Variants in ENTPD1 observed in about 807,000 individuals in gnomAD.
ENTPD1 encodes the protein ectonucleoside triphosphate diphosphohydrolase 1, also known as ATP diphosphohydrolase.
ENTPD1 carries 33 observed loss-of-function variants against 57.0 expected under a neutral mutation model. The observed-to-expected ratio is 0.58, with a 90% CI of 0.44 to 0.77. The LOEUF is 0.77. Among genes scored for constraint, ENTPD1 ranks in the 30% least tolerant of loss-of-function variants. ENTPD1 has a pLI of 0.00. For missense variants in ENTPD1, 501 were observed against 603.4 expected, an observed-to-expected ratio of 0.83 and a Z score of 1.78; for synonymous variants, 202 against 218.8, an observed-to-expected ratio of 0.92 and a Z score of 0.68.
chr10:95,773,855 G>A (rs908918314), intron 1 of ENTPD1, among the ~76,000 whole-genome samples: 3 of 152,196 alleles, frequency 2.0e-5, no homozygotes, highest in African/African-American at 7.2e-5. Context: ...ACCCAGTAAT[G>A]GGATTGCTGG....
At position 95,866,656 on chromosome 10, in the gene ENTPD1, G is replaced by C; in HGVS notation, c.*273G>C. The C allele has an allele frequency of 7.8e-7, 1 of 1,289,924 alleles. No individual in the cohort carries two copies. The highest frequency in any genetic ancestry group is 9.9e-7 in the Non-Finnish European group (1 of 1,009,366). The allele number at this position is 1,289,924 out of a possible 1,614,324, so 79.9% of individuals were successfully genotyped here. On this transcript the variant is annotated 3_prime_UTR_variant, in exon 10 of 10. Transcript: ENST00000371205. ...GTGCTTGTATAGGTTTTAAAGACCTGACACCTTTCATAATCTTTGCTTTAT... is the reference window on the plus strand; with the variant it reads ...GTGCTTGTATAGGTTTTAAAGACCTCACACCTTTCATAATCTTTGCTTTAT...
intron 1 of ENTPD1, among the ~76,000 whole-genome samples, chr10:95,782,866 A>AATGGGATGGAGGC (rs1181673388): frequency 2.0e-5 from 3 of 152,122 alleles, no homozygotes; most frequent in African/African-American, 7.2e-5. Flanking sequence ...TCTTGGGGAT[A>AATGGGATGGAGGC]ATGGGATGGA....
At chr10:95,766,827 A>G (rs1211707359) in intron 1 of ENTPD1, among the ~76,000 whole-genome samples, 1 of 147,908 alleles carries the variant, frequency 6.8e-6, no homozygotes, top group Non-Finnish European at 1.5e-5. Flanking sequence ...TTGTTTTTAT[A>G]TTTCCACAAA....
At position 95,844,599 on chromosome 10, in the gene ENTPD1, G is replaced by A; in HGVS notation, c.537G>A (p.Trp179Ter). ...GCCAAGAGGAAGGTGCCTATGGCTGGATTACTATCAACTATCTGCTGGGCA... is the reference window on the plus strand; with the variant it reads ...GCCAAGAGGAAGGTGCCTATGGCTGAATTACTATCAACTATCTGCTGGGCA... The part of the protein sequence containing the change: ...ITGQEEGAYG[W>*]ITINYLLGKF... The change falls in exon 5 of 10, where the codon TGG (tryptophan) becomes TGA (stop). Residue 179 changes from tryptophan to a stop codon, truncating the protein, a stop_gained. Coordinates refer to ENST00000371205, the MANE Select transcript of ENTPD1 (RefSeq NM_001776.6). LOFTEE classifies it high-confidence loss of function. The A allele has an allele frequency of 1.1e-5, 17 of 1,614,180 alleles. No homozygotes were observed. The highest frequency in any genetic ancestry group is 1.4e-5 in the Non-Finnish European group (17 of 1,180,034).
Position 95,788,982 on chromosome 10 carries a change from A to G in ENTPD1, c.16+32727A>G, listed in dbSNP as rs141231560. Among the ~76,000 whole-genome samples, 13 of 152,308 alleles carry G rather than the reference A, an allele frequency of 8.5e-5. No homozygotes were observed. The East Asian group carries it at 2.5e-3, about 29-fold the overall frequency. On this transcript the variant is annotated intron_variant, in intron 1 of 9. Transcript: ENST00000371205. ...ACTAAATATCTGTTGGCGATGAGGCATGGAGGAAAAAATGCTAAAGATAAC... is the reference window on the plus strand; with the variant it reads ...ACTAAATATCTGTTGGCGATGAGGCGTGGAGGAAAAAATGCTAAAGATAAC...
At chr10:95,843,172 T>G (rs892318267) in intron 4 of ENTPD1, 1 of 152,216 alleles carries the variant, frequency 6.6e-6, no homozygotes, top group Non-Finnish European at 1.5e-5. Flanking sequence ...ACAGACAGCA[T>G]GCATTCAGTA....
At chr10:95,724,161 C>CAAA (rs35316347) in intron 1 of ENTPD1, among the ~76,000 whole-genome samples, 62 of 50,290 alleles carry the variant, frequency 1.2e-3, no homozygotes, top group South Asian at 2.2e-3. Context: ...GACTCTGTCT[C>CAAA]AAAAAAAAAA....
intron 1 of ENTPD1, among the ~76,000 whole-genome samples, chr10:95,730,222 T>G (rs1469838660): frequency 2.3e-5 from 3 of 131,536 alleles, no homozygotes; most frequent in Non-Finnish European, 3.4e-5. Context: ...TGTTCTTTTG[T>G]TTTTTTTTTT....
rs1444122705 is a variant in ENTPD1 at position 95,853,675 on chromosome 10, A to G, written c.1074+5969A>G. Among the ~76,000 whole-genome samples the G allele has an allele frequency of 2.6e-5, 4 of 152,222 alleles. No homozygotes were observed. In the East Asian group the frequency reaches 7.7e-4, roughly 29 times the overall value. On this transcript the variant is annotated intron_variant, in intron 7 of 9. Transcript: ENST00000371205. ...GAATTTTGTCAAAGGCCTTTTCTGC[A>G]TCTATTGAGATAATCATGTGGCTTT...
intron 1 of ENTPD1, among the ~76,000 whole-genome samples, chr10:95,747,410 G>A (rs1273670590): frequency 1.3e-5 from 2 of 152,132 alleles, no homozygotes; most frequent in African/African-American, 2.4e-5. Context: ...TTTAGGATAC[G>A]TAAAACCAGA....
chr10:95,728,850 C>T (rs1230843244), intron 1 of ENTPD1, among the ~76,000 whole-genome samples: 1 of 152,086 alleles, frequency 6.6e-6, no homozygotes, highest in Non-Finnish European at 1.5e-5. Context: ...ATGTTTATTT[C>T]CATTTCTCTC....
intron 1 of ENTPD1, among the ~76,000 whole-genome samples, chr10:95,813,042 A>C (rs947237620): frequency 1.3e-5 from 2 of 152,210 alleles, no homozygotes; most frequent in Non-Finnish European, 2.9e-5. Context: ...TAATTGTTGC[A>C]AACTTTTGTC....
upstream of ENTPD1, among the ~76,000 whole-genome samples, chr10:95,710,569 G>C (rs923220929): frequency 6.6e-6 from 1 of 152,148 alleles, no homozygotes; most frequent in Non-Finnish European, 1.5e-5. Flanking sequence ...TGCTTTTTAA[G>C]AGATTAATAA....
intron 1 of ENTPD1, among the ~76,000 whole-genome samples, chr10:95,758,544 G>A (rs747570806): frequency 6.6e-6 from 1 of 152,156 alleles, no homozygotes; most frequent in Non-Finnish European, 1.5e-5. Context: ...TACCTCATCA[G>A]TTATGCCTAA....
At chr10:95,828,291 C>T (rs546903966) in intron 2 of ENTPD1, among the ~76,000 whole-genome samples, 2 of 152,182 alleles carry the variant, frequency 1.3e-5, no homozygotes, top group Non-Finnish European at 2.9e-5. Context: ...AATCTAATGC[C>T]GGATGATCTG....
chr10:95,813,778 T>G (rs1375562108), intron 1 of ENTPD1, among the ~76,000 whole-genome samples: 1 of 152,176 alleles, frequency 6.6e-6, no homozygotes, highest in African/African-American at 2.4e-5. Flanking sequence ...ACCTCTAAAT[T>G]TTGTACCTCA....
chr10:95,700,449 G>GCTTGAGGCTGGAGGATCA, the ENTPD1 span, among the ~76,000 whole-genome samples: 1 of 152,264 alleles, frequency 6.6e-6, no homozygotes, highest in East Asian at 1.9e-4. Flanking sequence ...CAGGAGGATC[G>GCTTGAGGCTGGAGGATCA]CTTGAGGCTG....
chr10:95,711,757 G>C, upstream of ENTPD1: 1 of 649,044 alleles, frequency 1.5e-6, no homozygotes, highest in Non-Finnish European at 2.7e-6. Context: ...CTCCCCTTCA[G>C]GTCTTCATTC....
chr10:95,701,981 T>C, the ENTPD1 span, among the ~76,000 whole-genome samples: 2 of 151,874 alleles, frequency 1.3e-5, no homozygotes, highest in Non-Finnish European at 2.9e-5. Context: ...TTTAAAATAA[T>C]CCTAAACTTA....
Sources: allele counts gnomAD v4.1 joint callset (sites outside exome capture counted in the v4.1 genomes callset), GRCh38; gene constraint gnomAD v4.1.1; transcripts MANE v1.5; gene names NCBI Gene and HGNC (gene_info 2026-07-23, HGNC 2026-07-21).